The following CLN8 variants were observed in gnomAD, a reference collection of about 807,000 sequenced individuals.
CLN8 encodes CLN8 transmembrane ER and ERGIC protein.
CLN8 carries 14 observed loss-of-function variants against 15.7 expected under a neutral mutation model. The ratio of observed to expected loss-of-function variants is 0.89; its 90% confidence interval spans 0.59 to 1.39. The LOEUF (loss-of-function observed/expected upper bound fraction) is 1.39. CLN8 is among the 40% of genes most tolerant of loss of function. The pLI is 0.00. For synonymous variants in CLN8, 188 were observed against 151.0 expected, an observed-to-expected ratio of 1.25 and a Z score of -1.80; for missense variants, 415 against 364.0, an observed-to-expected ratio of 1.14 and a Z score of -1.14.
rs1801736308 is a variant in CLN8 at position 1,782,633 on chromosome 8, T to G, written c.*2066T>G. The G allele has an allele frequency of 6.6e-6, 1 of 152,288 alleles. No homozygotes were observed. The highest frequency in any genetic ancestry group is 2.1e-4 in the South Asian group (1 of 4,824). 9.4% of individuals were successfully genotyped at this position (152,288 alleles called of 1,614,324 possible). ...TCTCTGCAGCCGTGCCCTTGTGGAG[T>G]CAGCAGGAGCTGGTGTTTTTCAGCC... is the stretch of plus-strand genomic sequence containing the variant. On this transcript the variant is annotated 3_prime_UTR_variant, in exon 3 of 3. Transcript: ENST00000331222.
At chr8:1,759,957 C>T (rs1800754143), upstream of CLN8, 1 of 152,228 alleles carries the variant, frequency 6.6e-6, no homozygotes, top group Non-Finnish European at 1.5e-5. Context: ...TCCCATCCCT[C>T]CGCTAATGGC....
chr8:1,759,042 A>C (rs1445791850), upstream of CLN8: 1 of 152,160 alleles, frequency 6.6e-6, no homozygotes, highest in African/African-American at 2.4e-5. Flanking sequence ...CCTGCTCTCT[A>C]TCATGTGATG....
At chr8:1,762,141 T>C (rs560412686), upstream of CLN8, 5 of 152,346 alleles carry the variant, frequency 3.3e-5, no homozygotes, top group African/African-American at 9.6e-5. Context: ...TCAGTTATAA[T>C]TTTGCAATGG....
chr8:1,763,372 G>A (rs1372599167), upstream of CLN8: 2 of 45,552 alleles, frequency 4.4e-5, no homozygotes, highest in Admixed American at 3.1e-4. Context: ...CGTCCACCCC[G>A]CCGCCCCACA....
rs144495588 is a variant in CLN8 at position 1,771,553 on chromosome 8, G to T, written c.499G>T (p.Glu167Ter). The change falls in exon 2 of 3, where the codon GAG becomes TAG. Residue 167 changes from glutamate (E) to a stop codon, truncating the protein, a stop_gained. Transcript: ENST00000331222. LOFTEE classifies it high-confidence loss of function. Reference protein sequence around the residue: ...HYLAMTTLLLEMSTPFTCVSW... With the variant: ...HYLAMTTLLL ...TCTAGCTATGACCACGTTGCTCCTG[G>T]AGATGAGCACGCCCTTTACCTGCGT... The T allele has an allele frequency of 4.2e-5, 67 of 1,613,940 alleles. No homozygotes were observed. The highest frequency in any genetic ancestry group is 5.4e-5 in the Non-Finnish European group (64 of 1,180,018).
chr8:1,759,152 C>A (rs1800735689), upstream of CLN8: 1 of 152,176 alleles, frequency 6.6e-6, no homozygotes, highest in Non-Finnish European at 1.5e-5. Context: ...GTCAGCTGTG[C>A]CTGGATTTCA....
upstream of CLN8, chr8:1,758,759 AT>A (rs1352984336): frequency 5.3e-5 from 8 of 152,218 alleles, no homozygotes; most frequent in Non-Finnish European, 1.2e-4. Flanking sequence ...GAGTTAAGTT[AT>A]TATTGTAGAG....
intron 1 of CLN8, among the ~76,000 whole-genome samples, chr8:1,764,095 C>G (rs1012648707): frequency 6.6e-6 from 1 of 151,242 alleles, no homozygotes; most frequent in Non-Finnish European, 1.5e-5. Flanking sequence ...TGAGGGGGAA[C>G]CCAGATGGGC....
At chr8:1,780,073 G>C in intron 2 of CLN8, 177 bp from the exon 3 acceptor site, 1 of 985,476 alleles carries the variant, frequency 1.0e-6, no homozygotes, top group African/African-American at 1.7e-5. Flanking sequence ...CACAGAGCTG[G>C]TGGCCTCCTT....
At chr8:1,761,337 G>C (rs1313819572), upstream of CLN8, among the ~76,000 whole-genome samples, 2 of 136,372 alleles carry the variant, frequency 1.5e-5, no homozygotes, top group Admixed American at 7.2e-5. Flanking sequence ...TTTTGCTGTT[G>C]TTTTTGAGAT....
rs1801716612 is a variant in CLN8 at position 1,781,675 on chromosome 8, T to C, written c.*1108T>C. The C allele has an allele frequency of 6.6e-6, 1 of 152,172 alleles. No homozygotes were observed. Among genetic ancestry groups the C allele is most frequent in the Non-Finnish European group, 1.5e-5 (1 of 68,030 alleles). 9.4% of individuals were successfully genotyped at this position (152,172 alleles called of 1,614,324 possible). ...CAGAGCTGTTTTTAATTGACTGAGT[T>C]ACCTACAGGCACCCAATCTAGACCC... is the stretch of plus-strand genomic sequence containing the variant. On this transcript the variant is annotated 3_prime_UTR_variant, in exon 3 of 3. Coordinates refer to ENST00000331222, the MANE Select transcript of CLN8 (RefSeq NM_018941.4).
At chr8:1,772,798 A>G in intron 2 of CLN8, 1 of 390,376 alleles carries the variant, frequency 2.6e-6, no homozygotes, top group East Asian at 3.6e-5. Flanking sequence ...GTTTTTACAT[A>G]GATTCTTGCT....
upstream of CLN8, among the ~76,000 whole-genome samples, chr8:1,760,786 G>A (rs1350500580): frequency 6.6e-6 from 1 of 152,166 alleles, no homozygotes; most frequent in East Asian, 1.9e-4. Context: ...CAGTCGCAGA[G>A]TGCAGTGAGA....
At chr8:1,764,972 G>T (rs1227142357) in intron 1 of CLN8, 1 of 152,262 alleles carries the variant, frequency 6.6e-6, no homozygotes, top group Non-Finnish European at 1.5e-5. Flanking sequence ...GTTGTGAGAG[G>T]AAAGAGCAAT....
upstream of CLN8, among the ~76,000 whole-genome samples, chr8:1,753,976 A>T (rs568639648): frequency 2.6e-4 from 39 of 152,238 alleles, no homozygotes; most frequent in South Asian, 7.9e-3. Context: ...GGTTGGTGGG[A>T]CCAAAGGAAA....
chr8:1,775,945 T>G (rs1205957854), intron 2 of CLN8, among the ~76,000 whole-genome samples: 13 of 152,244 alleles, frequency 8.5e-5, no homozygotes, highest in Non-Finnish European at 1.9e-4. Flanking sequence ...GAGGCACATA[T>G]GCATGTGGTG....
chr8:1,766,205 T>A (rs1801048169), intron 1 of CLN8, among the ~76,000 whole-genome samples: 1 of 152,182 alleles, frequency 6.6e-6, no homozygotes. Flanking sequence ...AAGCTTTTTG[T>A]ATACATTTTC....
chr8:1,768,843 C>G (rs1427656350), intron 1 of CLN8, among the ~76,000 whole-genome samples: 1 of 152,192 alleles, frequency 6.6e-6, no homozygotes, highest in Non-Finnish European at 1.5e-5. Flanking sequence ...CATGTTCAAC[C>G]TGATTTGTCA....
At chr8:1,754,360 C>T (rs887741015), upstream of CLN8, among the ~76,000 whole-genome samples, 7 of 152,178 alleles carry the variant, frequency 4.6e-5, no homozygotes, top group Non-Finnish European at 7.3e-5. Flanking sequence ...TTTAGATAAT[C>T]GCCAGGCACC....
Sources: gnomAD v4.1 joint callset for allele counts (sites outside exome capture counted in the v4.1 genomes callset) on GRCh38, gnomAD v4.1.1 for gene constraint, MANE v1.5 for transcripts, NCBI Gene and HGNC (gene_info 2026-07-23, HGNC 2026-07-21) for gene names.